SYNDIG1: variants seen among roughly 807,000 people sequenced by gnomAD.
SYNDIG1 encodes the protein synapse differentiation inducing 1, also known as synapse differentiation-inducing gene protein 1.
SYNDIG1 carries 9 observed loss-of-function variants against 19.4 expected under a neutral mutation model. That is an observed-to-expected ratio of 0.46 (90% CI 0.28 to 0.81). SYNDIG1 has a LOEUF of 0.81. SYNDIG1 is among the 30% of genes least tolerant of loss of function. SYNDIG1 has a pLI of 0.12. For synonymous variants in SYNDIG1, 141 were observed against 145.9 expected, an observed-to-expected ratio of 0.97 and a Z score of 0.24; for missense variants, 311 against 343.3, an observed-to-expected ratio of 0.91 and a Z score of 0.74.
chr20:24,536,728 C>T (rs368953463), intron 1 of SYNDIG1, among the ~76,000 whole-genome samples: 4 of 152,136 alleles, frequency 2.6e-5, no homozygotes, highest in East Asian at 1.9e-4. Flanking sequence ...GTCTCAGGCC[C>T]CCCATGTCTC....
At chr20:24,650,934 C>A (rs1207763490) in intron 3 of SYNDIG1, among the ~76,000 whole-genome samples, 1 of 152,122 alleles carries the variant, frequency 6.6e-6, no homozygotes, top group African/African-American at 2.4e-5. Flanking sequence ...CTCCAGGGCT[C>A]AAGCAATTCT....
chr20:24,582,316 C>T (rs1224017620), intron 2 of SYNDIG1, among the ~76,000 whole-genome samples: 1 of 127,944 alleles, frequency 7.8e-6, no homozygotes, highest in African/African-American at 3.1e-5. Flanking sequence ...ACGCCCTCCC[C>T]TCTCATGCTG....
intron 3 of SYNDIG1, among the ~76,000 whole-genome samples, chr20:24,639,680 T>G (rs2059351715): frequency 6.6e-6 from 1 of 152,236 alleles, no homozygotes; most frequent in Non-Finnish European, 1.5e-5. Flanking sequence ...ATTTTGGACA[T>G]TGTGATAAAC....
intron 2 of SYNDIG1, among the ~76,000 whole-genome samples, chr20:24,549,821 G>A (rs932368493): frequency 6.6e-6 from 1 of 152,204 alleles, no homozygotes; most frequent in Admixed American, 6.5e-5. Context: ...TGGATGTGGA[G>A]CCGGGAAGGA....
At chr20:24,656,717 G>T (rs370663353) in intron 3 of SYNDIG1, among the ~76,000 whole-genome samples, 14 of 152,238 alleles carry the variant, frequency 9.2e-5, no homozygotes, top group African/African-American at 3.4e-4. Context: ...CTGCGTGCTC[G>T]CACTTGAGCA....
intron 3 of SYNDIG1, among the ~76,000 whole-genome samples, chr20:24,641,075 A>G (rs774262262): frequency 1.3e-5 from 2 of 152,230 alleles, no homozygotes; most frequent in Non-Finnish European, 2.9e-5. Flanking sequence ...AGAGAATGAT[A>G]TTGATGACAG....
In SYNDIG1 at chr20:24,622,548, T is replaced by C. The variant is rs571128368; in HGVS notation, c.618+37555T>C. On this transcript the variant is annotated intron_variant, in intron 3 of 3. Transcript: ENST00000376862. ...GATCACTGGTGGCATTAGATTCTCA[T>C]AGGAATGCAAACCGTATTATGAACT... Among the ~76,000 whole-genome samples, 5 of 152,340 alleles carry C rather than the reference T, an allele frequency of 3.3e-5. No homozygotes were observed. In the South Asian group the frequency reaches 1.0e-3, roughly 32 times the overall value.
intron 3 of SYNDIG1, among the ~76,000 whole-genome samples, chr20:24,611,974 A>G (rs2058855305): frequency 6.6e-6 from 1 of 152,238 alleles, no homozygotes; most frequent in Non-Finnish European, 1.5e-5. Context: ...TGTTCCTGAC[A>G]TATCCAGTTC....
At chr20:24,627,041 G>C (rs539709101) in intron 3 of SYNDIG1, among the ~76,000 whole-genome samples, 67 of 151,694 alleles carry the variant, frequency 4.4e-4, no homozygotes, top group African/African-American at 1.5e-3. Flanking sequence ...GTCCAGCTTC[G>C]GCTCGGCATG....
intron 1 of SYNDIG1, among the ~76,000 whole-genome samples, chr20:24,522,512 C>G (rs1188813387): frequency 6.6e-6 from 1 of 152,186 alleles, no homozygotes; most frequent in African/African-American, 2.4e-5. Flanking sequence ...TGCCTATCTC[C>G]TCCCCACTTC....
rs192775198 is a variant in SYNDIG1, at chr20:24,543,077, C to A, written c.-21C>A. On this transcript the variant is annotated 5_prime_UTR_variant, in exon 2 of 4. Transcript: ENST00000376862. ...ACATTCCCAGCCCACCAGCCTGACG[C>A]CCAGCCAGGGAGAGAGTACCATGGA... 1.1e-5 allele frequency: 17 copies of A among 1,602,448 alleles called. No homozygotes were observed. The East Asian group carries it at 3.8e-4, about 36-fold the overall frequency.
At chr20:24,484,212 G>A (rs571856316) in intron 1 of SYNDIG1, among the ~76,000 whole-genome samples, 54 of 152,194 alleles carry the variant, frequency 3.5e-4, no homozygotes, top group African/African-American at 1.1e-3. Flanking sequence ...TGGAGGGGTC[G>A]GCTGGGCGTG....
intron 3 of SYNDIG1, among the ~76,000 whole-genome samples, chr20:24,630,222 A>G (rs918900728): frequency 6.6e-6 from 1 of 152,192 alleles, no homozygotes; most frequent in African/African-American, 2.4e-5. Flanking sequence ...ACGAAAACCT[A>G]ACGAGCTGCC....
At chr20:24,493,452 C>T (rs2056213100) in intron 1 of SYNDIG1, among the ~76,000 whole-genome samples, 1 of 152,100 alleles carries the variant, frequency 6.6e-6, no homozygotes, top group African/African-American at 2.4e-5. Context: ...TGGGCATACA[C>T]AGGTACACAC....
chr20:24,612,354 C>T (rs978663241), intron 3 of SYNDIG1, among the ~76,000 whole-genome samples: 39 of 152,272 alleles, frequency 2.6e-4, no homozygotes, highest in African/African-American at 9.4e-4. Flanking sequence ...CAGGTGCCCC[C>T]GAGTCCTGAG....
intron 2 of SYNDIG1, among the ~76,000 whole-genome samples, chr20:24,552,280 C>T (rs572852262): frequency 8.6e-4 from 131 of 152,160 alleles, no homozygotes; most frequent in African/African-American, 2.9e-3. Flanking sequence ...ATCACTGAGA[C>T]GATTATTGCC....
chr20:24,609,882 C>T (rs1425423392), intron 3 of SYNDIG1, among the ~76,000 whole-genome samples: 1 of 152,126 alleles, frequency 6.6e-6, no homozygotes, highest in African/African-American at 2.4e-5. Context: ...GACATGCCTG[C>T]ACCCCAAGGC....
intron 1 of SYNDIG1, among the ~76,000 whole-genome samples, chr20:24,486,044 C>T (rs1342036743): frequency 6.6e-6 from 1 of 152,200 alleles, no homozygotes; most frequent in Non-Finnish European, 1.5e-5. Context: ...TGAAGGTGGG[C>T]AGGGTGAAGC....
At chr20:24,501,072 C>G (rs527784256) in intron 1 of SYNDIG1, among the ~76,000 whole-genome samples, 1 of 152,118 alleles carries the variant, frequency 6.6e-6, no homozygotes, top group Non-Finnish European at 1.5e-5. Context: ...TAATTTGAAG[C>G]TTTTAGGAAA....
Sources: allele counts gnomAD v4.1 joint callset (sites outside exome capture counted in the v4.1 genomes callset), GRCh38; gene constraint gnomAD v4.1.1; transcripts MANE v1.5; gene names NCBI Gene and HGNC (gene_info 2026-07-23, HGNC 2026-07-21).